TENM3: variants seen among roughly 807,000 people sequenced by gnomAD.
TENM3 encodes teneurin-3.
TENM3 carries 63 observed loss-of-function variants against 255.1 expected under a neutral mutation model. The ratio of observed to expected loss-of-function variants is 0.25; its 90% CI spans 0.20 to 0.30. The LOEUF is 0.30. Among genes scored for constraint, TENM3 ranks in the 10% least tolerant of loss-of-function variants. TENM3 has a pLI of 1.00. For synonymous variants in TENM3, 1,306 were observed against 1,322.3 expected (o/e 0.99, Z 0.27); for missense variants, 2,929 against 3,461.1 (o/e 0.85, Z 3.86).
chr4:181,681,730 T>G, the TENM3 span, among the ~76,000 whole-genome samples: 2 of 148,262 alleles, frequency 1.3e-5, no homozygotes, highest in Non-Finnish European at 1.5e-5. Flanking sequence ...CAAAATTTGG[T>G]TTTAGGTAGA....
chr4:182,738,963 A>G (rs2152727802), intron 18 of TENM3, among the ~76,000 whole-genome samples: 1 of 152,232 alleles, frequency 6.6e-6, no homozygotes, highest in Non-Finnish European at 1.5e-5. Flanking sequence ...TTTAAAATAA[A>G]GAAAAAAAAA....
chr4:181,738,342 G>T, the TENM3 span, among the ~76,000 whole-genome samples: 1 of 152,144 alleles, frequency 6.6e-6, no homozygotes, highest in African/African-American at 2.4e-5. Flanking sequence ...TGGAACACAC[G>T]TTCTGTTCTT....
the TENM3 span, among the ~76,000 whole-genome samples, chr4:182,082,716 A>G: frequency 6.6e-6 from 1 of 152,362 alleles, no homozygotes. Context: ...CAAAACAATA[A>G]GATGGGAACA....
intron 1 of TENM3, among the ~76,000 whole-genome samples, chr4:182,163,391 C>G (rs1751489243): frequency 6.6e-6 from 1 of 152,178 alleles, no homozygotes; most frequent in Non-Finnish European, 1.5e-5. Context: ...AGCCCCGCCT[C>G]CCATCTCTTA....
the TENM3 span, among the ~76,000 whole-genome samples, chr4:181,577,209 ATT>A: frequency 0.13 from 16,229 of 129,112 alleles, 1,262 homozygotes; most frequent in South Asian, 0.27. Context: ...ATATATATAT[ATT>A]TTTTTTTTAA....
chr4:182,260,903 A>G (rs1758738929), intron 1 of TENM3, among the ~76,000 whole-genome samples: 1 of 151,558 alleles, frequency 6.6e-6, no homozygotes, highest in Non-Finnish European at 1.5e-5. Flanking sequence ...TGAGTCGGAG[A>G]CTTGCCCTGT....
intron 3 of TENM3, among the ~76,000 whole-genome samples, chr4:182,423,327 C>A (rs1580487949): frequency 6.6e-6 from 1 of 152,096 alleles, no homozygotes; most frequent in Non-Finnish European, 1.5e-5. Flanking sequence ...CTTTAAAATT[C>A]TTTTTTCCAG....
At chr4:181,719,940 G>T in the TENM3 span, among the ~76,000 whole-genome samples, 1 of 152,100 alleles carries the variant, frequency 6.6e-6, no homozygotes, top group Non-Finnish European at 1.5e-5. Flanking sequence ...TATGTATTAT[G>T]TGCCTACTGC....
the TENM3 span, among the ~76,000 whole-genome samples, chr4:182,135,825 C>T: frequency 6.6e-6 from 1 of 152,214 alleles, no homozygotes; most frequent in Non-Finnish European, 1.5e-5. Context: ...TCTCTGCTTA[C>T]ATATCCTTAG....
the TENM3 span, among the ~76,000 whole-genome samples, chr4:181,525,396 C>CAAAAAAAAA: frequency 6.2e-5 from 6 of 97,316 alleles, no homozygotes; most frequent in South Asian, 3.9e-4. Flanking sequence ...GACCCTGTTT[C>CAAAAAAAAA]AAAAAAAAAA....
intron 3 of TENM3, among the ~76,000 whole-genome samples, chr4:182,422,069 C>T (rs1770878306): frequency 6.6e-6 from 1 of 152,230 alleles, no homozygotes; most frequent in African/African-American, 2.4e-5. Context: ...TCTCCAAGCT[C>T]AGTCTTCCTT....
At chr4:182,097,105 G>A in the TENM3 span, among the ~76,000 whole-genome samples, 8 of 152,202 alleles carry the variant, frequency 5.3e-5, no homozygotes, top group Admixed American at 3.9e-4. Context: ...GGGTGCTTTC[G>A]GTGTGGCTGA....
rs147433245 is a variant in TENM3 at position 182,589,945 on chromosome 4, G to A, written c.512-10979G>A. On this transcript the variant is annotated intron_variant, in intron 3 of 27. Transcript: ENST00000511685. ...GTGAGCCGAGATCGCACCGCTGCAC[G>A]CCAGCCTGGGCAACCAAGCAAGACT... is the stretch of plus-strand genomic sequence containing the variant. Among the ~76,000 whole-genome samples, 419 of 152,162 alleles carry A rather than the reference G, an allele frequency of 2.8e-3. 1 individual carries two copies. The highest frequency in any genetic ancestry group is 9.2e-3 in the African/African-American group (380 of 41,528).
At chr4:182,251,404 GT>G (rs1193093330) in intron 1 of TENM3, among the ~76,000 whole-genome samples, 3 of 152,140 alleles carry the variant, frequency 2.0e-5, no homozygotes, top group African/African-American at 7.2e-5. Context: ...GGTGGTCCAG[GT>G]TGCGGTGAGC....
the TENM3 span, among the ~76,000 whole-genome samples, chr4:181,649,714 A>G: frequency 8.5e-5 from 13 of 152,218 alleles, no homozygotes; most frequent in Non-Finnish European, 1.5e-5. Context: ...ATCGTGAAAA[A>G]TGTATTTCGG....
the TENM3 span, among the ~76,000 whole-genome samples, chr4:182,082,925 T>C: frequency 1.4e-4 from 22 of 152,208 alleles, 1 homozygote; most frequent in African/African-American, 5.3e-4. Context: ...CATAATATAC[T>C]AGACCAGTTC....
chr4:182,608,747 A>C (rs1477850634), intron 4 of TENM3, among the ~76,000 whole-genome samples: 1 of 152,096 alleles, frequency 6.6e-6, no homozygotes, highest in Non-Finnish European at 1.5e-5. Context: ...TGGACAGGCC[A>C]TCGGACTGCC....
the TENM3 span, among the ~76,000 whole-genome samples, chr4:181,525,812 G>A: frequency 9.9e-5 from 15 of 152,212 alleles, no homozygotes; most frequent in Non-Finnish European, 1.6e-4. Flanking sequence ...GCAGCTGGGT[G>A]AGTGCCCTCA....
the TENM3 span, among the ~76,000 whole-genome samples, chr4:181,682,996 T>C: frequency 6.6e-6 from 1 of 151,814 alleles, no homozygotes; most frequent in East Asian, 1.9e-4. Context: ...GAATGATCAC[T>C]TGAGACCAGC....
Sources: allele counts gnomAD v4.1 joint callset (sites outside exome capture counted in the v4.1 genomes callset), GRCh38; gene constraint gnomAD v4.1.1; transcripts MANE v1.5; gene names NCBI Gene and HGNC (gene_info 2026-07-23, HGNC 2026-07-21).